The following ESR1 variants were observed in gnomAD, a reference collection of about 807,000 sequenced individuals.
The protein encoded by ESR1 is estrogen receptor.
Under a neutral mutation model 52.7 loss-of-function variants are expected in ESR1, and 12 were observed. The observed-to-expected ratio is 0.23, with a 90% CI of 0.15 to 0.37. The LOEUF (loss-of-function observed/expected upper bound fraction) is 0.37. Among genes scored for constraint, ESR1 ranks in the 10% least tolerant of loss-of-function variants. ESR1 has a pLI of 1.00. For missense variants in ESR1, 584 were observed against 779.7 expected, an observed-to-expected ratio of 0.75 and a Z score of 2.99; for synonymous variants, 305 against 316.8, an observed-to-expected ratio of 0.96 and a Z score of 0.39.
At chr6:151,933,248 C>G (rs2033917294) in intron 3 of ESR1, among the ~76,000 whole-genome samples, 2 of 148,762 alleles carry the variant, frequency 1.3e-5, no homozygotes, top group South Asian at 2.2e-4. Context: ...TGATTTGGCT[C>G]TCTGTTTGTC....
intron 5 of ESR1, among the ~76,000 whole-genome samples, chr6:152,032,710 A>G (rs573467177): frequency 1.4e-4 from 21 of 152,342 alleles, no homozygotes; most frequent in African/African-American, 5.1e-4. Context: ...AAATGGCCAT[A>G]CTGCCCAAGG....
intron 1 of ESR1, among the ~76,000 whole-genome samples, chr6:151,831,981 C>T (rs1019161148): frequency 6.6e-6 from 1 of 152,138 alleles, no homozygotes; most frequent in Admixed American, 6.5e-5. Context: ...TATCTATCTC[C>T]AGTCATTTTT....
At chr6:152,006,493 A>G (rs79599802) in intron 4 of ESR1, among the ~76,000 whole-genome samples, 5,632 of 152,088 alleles carry the variant, frequency 0.037, 275 homozygotes, top group African/African-American at 0.11. Context: ...ATCGCAAAAT[A>G]TGGGACGTGA....
chr6:151,861,638 G>T (rs1788907050), intron 2 of ESR1, among the ~76,000 whole-genome samples: 1 of 152,118 alleles, frequency 6.6e-6, no homozygotes, highest in Non-Finnish European at 1.5e-5. Context: ...TCTGGGTTAG[G>T]GTCTCAGGAA....
chr6:151,997,197 G>A (rs926748729), intron 4 of ESR1, among the ~76,000 whole-genome samples: 2 of 152,066 alleles, frequency 1.3e-5, no homozygotes, highest in African/African-American at 4.8e-5. Flanking sequence ...ATCAGTCTTT[G>A]TAGGAAGTCA....
intron 2 of ESR1, among the ~76,000 whole-genome samples, chr6:151,776,670 T>C (rs540974274): frequency 6.6e-6 from 1 of 152,140 alleles, no homozygotes; most frequent in African/African-American, 2.4e-5. Flanking sequence ...AAACCATGCC[T>C]CTACTAAAAA....
At chr6:152,055,731 T>A (rs982384146) in intron 5 of ESR1, among the ~76,000 whole-genome samples, 1 of 152,286 alleles carries the variant, frequency 6.6e-6, no homozygotes, top group African/African-American at 2.4e-5. Flanking sequence ...ATCGGTCTCA[T>A]TTGACCACTT....
intron 6 of ESR1, among the ~76,000 whole-genome samples, chr6:152,086,980 A>T (rs2049775796): frequency 6.6e-6 from 1 of 152,206 alleles, no homozygotes; most frequent in Non-Finnish European, 1.5e-5. Flanking sequence ...TAATCTCTTT[A>T]TTCAACTCAC....
intron 2 of ESR1, among the ~76,000 whole-genome samples, chr6:151,851,901 G>A (rs771846893): frequency 3.9e-5 from 6 of 152,106 alleles, no homozygotes; most frequent in Admixed American, 1.3e-4. Context: ...AAGAATCAAA[G>A]CGTGAAGACC....
chr6:151,779,724 C>T (rs1317911102), intron 2 of ESR1, among the ~76,000 whole-genome samples: 5 of 151,936 alleles, frequency 3.3e-5, no homozygotes, highest in South Asian at 2.1e-4. Context: ...CACATGCACA[C>T]GTATGTTTAT....
chr6:151,804,642 T>C (rs1583360717), upstream of ESR1: 1 of 152,240 alleles, frequency 6.6e-6, no homozygotes, highest in East Asian at 1.9e-4. Flanking sequence ...AACATTTTTA[T>C]GGCTTTCTAT....
At chr6:151,962,686 T>C (rs577312155) in intron 4 of ESR1, among the ~76,000 whole-genome samples, 11 of 152,350 alleles carry the variant, frequency 7.2e-5, no homozygotes, top group African/African-American at 1.9e-4. Context: ...CTTTGATCTC[T>C]GGTGTTCTGA....
At chr6:151,823,705 A>G (rs1352977428) in intron 1 of ESR1, among the ~76,000 whole-genome samples, 2 of 151,478 alleles carry the variant, frequency 1.3e-5, no homozygotes, top group Non-Finnish European at 2.9e-5. Flanking sequence ...CCCACCTATG[A>G]GTGAGAACAT....
chr6:151,831,217 A>G (rs1259404292), intron 1 of ESR1, among the ~76,000 whole-genome samples: 1 of 150,250 alleles, frequency 6.7e-6, no homozygotes, highest in East Asian at 2.0e-4. Flanking sequence ...GTCACAGCTC[A>G]CTGCAGCCTT....
chr6:151,841,143 C>G (rs1168400865), intron 1 of ESR1, among the ~76,000 whole-genome samples: 1 of 152,186 alleles, frequency 6.6e-6, no homozygotes, highest in Non-Finnish European at 1.5e-5. Context: ...ATTCTTTTAT[C>G]TTCCTCTTTG....
At chr6:151,824,883 T>TGG (rs1781214932) in intron 1 of ESR1, among the ~76,000 whole-genome samples, 11 of 150,554 alleles carry the variant, frequency 7.3e-5, no homozygotes, top group Admixed American at 7.3e-4. Flanking sequence ...CTTGCACCAC[T>TGG]GCACTCCAGG....
intron 1 of ESR1, 127 bp downstream of exon 1, chr6:151,808,491 C>A: frequency 3.6e-6 from 3 of 826,780 alleles, no homozygotes; most frequent in Non-Finnish European, 5.0e-6. Flanking sequence ...AGGGTGCGCG[C>A]AGGGAGCCCG....
intron 3 of ESR1, among the ~76,000 whole-genome samples, chr6:151,891,951 T>G (rs1358125657): frequency 6.6e-6 from 1 of 152,142 alleles, no homozygotes; most frequent in Non-Finnish European, 1.5e-5. Context: ...ATATTTAATA[T>G]AATTTAAAAG....
chr6:151,807,598 A>G (rs1778081059), upstream of ESR1: 1 of 505,674 alleles, frequency 2.0e-6, no homozygotes. Flanking sequence ...GCAAGGCAAC[A>G]GTCCCTGGCC....
Sources: gnomAD v4.1 joint callset for allele counts (sites outside exome capture counted in the v4.1 genomes callset) on GRCh38, gnomAD v4.1.1 for gene constraint, MANE v1.5 for transcripts, NCBI Gene and HGNC (gene_info 2026-07-23, HGNC 2026-07-21) for gene names.